Variants in CSMD1 observed in about 807,000 individuals in gnomAD.
The protein encoded by CSMD1 is CUB and Sushi multiple domains 1.
A neutral mutation model predicts 417.5 loss-of-function variants in CSMD1; 213 were observed. The ratio of observed to expected loss-of-function variants is 0.51; its 90% CI spans 0.46 to 0.57. CSMD1 has a LOEUF of 0.57. Ranked by LOEUF, CSMD1 falls within the 20% of genes least tolerant of loss-of-function variation. The probability of loss-of-function intolerance (pLI) is 0.00; values close to 1 mark genes in which losing one functional copy is unlikely to be tolerated. For synonymous variants in CSMD1, 2,862 were observed against 1,736.8 expected (o/e 1.65, Z -16.11); for missense variants, 6,923 against 4,529.7 (o/e 1.53, Z -15.17).
intron 48 of CSMD1, among the ~76,000 whole-genome samples, chr8:3,090,407 G>A (rs1395127948): frequency 6.7e-6 from 1 of 149,816 alleles, no homozygotes; most frequent in African/African-American, 2.5e-5. Flanking sequence ...TTGCATCGAT[G>A]TCTTTGCAGC....
chr8:3,806,383 T>C (rs1327612772), intron 5 of CSMD1, among the ~76,000 whole-genome samples: 1 of 152,200 alleles, frequency 6.6e-6, no homozygotes, highest in Non-Finnish European at 1.5e-5. Flanking sequence ...CCCTGAAGCC[T>C]GTGGGACACA....
chr8:4,750,576 T>C (rs1447067742), intron 1 of CSMD1, among the ~76,000 whole-genome samples: 1 of 152,154 alleles, frequency 6.6e-6, no homozygotes, highest in African/African-American at 2.4e-5. Context: ...TTTCACTTTA[T>C]AAGTAATTCT....
intron 25 of CSMD1, among the ~76,000 whole-genome samples, chr8:3,296,990 T>C (rs1804021003): frequency 6.6e-6 from 1 of 152,154 alleles, no homozygotes; most frequent in South Asian, 2.1e-4. Context: ...TTATAAACTA[T>C]AGGACTGGAT....
At chr8:4,216,560 C>T (rs1399902584) in intron 3 of CSMD1, among the ~76,000 whole-genome samples, 1 of 152,182 alleles carries the variant, frequency 6.6e-6, no homozygotes. Flanking sequence ...CGGCCTGAGT[C>T]TGCTGCCACT....
intron 5 of CSMD1, among the ~76,000 whole-genome samples, chr8:3,767,409 C>A (rs1425366483): frequency 6.6e-6 from 1 of 152,212 alleles, no homozygotes; most frequent in Non-Finnish European, 1.5e-5. Context: ...TCCTAAACCT[C>A]AGAATTGTTC....
intron 6 of CSMD1, among the ~76,000 whole-genome samples, chr8:3,715,492 T>C (rs1458008144): frequency 6.6e-6 from 1 of 152,192 alleles, no homozygotes; most frequent in East Asian, 1.9e-4. Flanking sequence ...TAAAAATGTG[T>C]TGTTCCATTT....
chr8:4,448,874 A>C (rs1798969074), intron 2 of CSMD1, among the ~76,000 whole-genome samples: 1 of 152,206 alleles, frequency 6.6e-6, no homozygotes, highest in Admixed American at 6.5e-5. Flanking sequence ...CAATTCTCTT[A>C]TTCACCAAGT....
intron 49 of CSMD1, among the ~76,000 whole-genome samples, chr8:3,061,941 T>C (rs927071420): frequency 1.3e-5 from 2 of 152,098 alleles, no homozygotes; most frequent in Non-Finnish European, 2.9e-5. Flanking sequence ...GATATCAGAG[T>C]AGCTGATGAC....
At chr8:4,686,734 G>T (rs1008810985) in intron 1 of CSMD1, among the ~76,000 whole-genome samples, 4 of 152,138 alleles carry the variant, frequency 2.6e-5, no homozygotes, top group African/African-American at 9.7e-5. Context: ...TTTGTCATGG[G>T]GGCCTCAGCC....
At chr8:3,956,682 G>T (rs1585031083) in intron 5 of CSMD1, among the ~76,000 whole-genome samples, 1 of 152,034 alleles carries the variant, frequency 6.6e-6, no homozygotes, top group Non-Finnish European at 1.5e-5. Context: ...GTTACTACCC[G>T]ATGTGGCAGA....
chr8:2,966,169 G>C (rs1014253455), intron 58 of CSMD1, among the ~76,000 whole-genome samples: 1 of 152,138 alleles, frequency 6.6e-6, no homozygotes, highest in African/African-American at 2.4e-5. Context: ...TGTTCCGTTG[G>C]CAGCTGGCTG....
intron 10 of CSMD1, among the ~76,000 whole-genome samples, chr8:3,571,747 T>C (rs73658200): frequency 0.034 from 2,611 of 77,184 alleles, 83 homozygotes; most frequent in African/African-American, 0.11. Context: ...CCAGTCTTGC[T>C]AAGTCTCCGT....
chr8:3,382,760 T>A (rs1810718715), intron 18 of CSMD1, among the ~76,000 whole-genome samples: 1 of 151,598 alleles, frequency 6.6e-6, no homozygotes, highest in African/African-American at 2.4e-5. Context: ...ATGTGTATAT[T>A]ACATGGAGAA....
intron 3 of CSMD1, among the ~76,000 whole-genome samples, chr8:4,147,568 G>C (rs1796317363): frequency 6.6e-6 from 1 of 152,118 alleles, no homozygotes; most frequent in African/African-American, 2.4e-5. Flanking sequence ...CCTGTTTCTG[G>C]ATAATGATAA....
intron 1 of CSMD1, among the ~76,000 whole-genome samples, chr8:4,783,484 C>T (rs1015544746): frequency 6.6e-6 from 1 of 152,132 alleles, no homozygotes; most frequent in African/African-American, 2.4e-5. Context: ...AAGATTAAAC[C>T]GGAAGTATTG....
At chr8:4,310,740 G>A (rs1405097240) in intron 3 of CSMD1, among the ~76,000 whole-genome samples, 7 of 152,132 alleles carry the variant, frequency 4.6e-5, no homozygotes, top group African/African-American at 1.7e-4. Flanking sequence ...GGAGAGAGTA[G>A]CTCCAGCATG....
chr8:3,269,616 C>A (rs1160005988), intron 26 of CSMD1, among the ~76,000 whole-genome samples: 1 of 152,188 alleles, frequency 6.6e-6, no homozygotes, highest in Non-Finnish European at 1.5e-5. Context: ...AACATGGTTG[C>A]AGAGCCATTT....
In CSMD1 at chr8:3,632,519, G is replaced by A. The variant is rs552108843; in HGVS notation, c.1010-15722C>T. On this transcript the variant is annotated intron_variant, in intron 7 of 69. Transcript: ENST00000635120. ...ACCTTAGATTGTGATGGGCGTTGAA[G>A]ATGAGTATTGGTTAGAACAAGTGGG... 5.2e-4 allele frequency among the ~76,000 whole-genome samples: 79 copies of A among 152,300 alleles called. 1 individual carries two copies. In the South Asian group the frequency reaches 0.016, roughly 31 times the overall value.
chr8:4,031,885 G>GC lies in CSMD1; in HGVS notation c.610+19dup. ...GCCCTGCCCTGGAGTCTGCTCACCA[G>GC]CCCCCTTGTAGCACTGTACCTCTGC... On this transcript the variant is annotated intron_variant, in intron 4 of 69. Transcript: ENST00000635120. The GC allele has an allele frequency of 6.3e-7, 1 of 1,585,982 alleles. No individual in the cohort carries two copies. The highest frequency in any genetic ancestry group is 2.3e-5 in the East Asian group (1 of 44,256).
Sources: allele counts gnomAD v4.1 joint callset (sites outside exome capture counted in the v4.1 genomes callset), GRCh38; gene constraint gnomAD v4.1.1; transcripts MANE v1.5; gene names NCBI Gene and HGNC (gene_info 2026-07-23, HGNC 2026-07-21).